ADGRG4: variants seen among roughly 807,000 people sequenced by gnomAD.
The protein encoded by ADGRG4 is G protein-coupled receptor 112.
Under a neutral mutation model 126.2 loss-of-function variants are expected in ADGRG4, and 122 were observed. The ratio of observed to expected loss-of-function variants is 0.97; its 90% CI spans 0.83 to 1.12. ADGRG4 has a LOEUF of 1.12. Ranked by LOEUF, ADGRG4 falls within the 50% of genes most tolerant of loss-of-function variation. ADGRG4 has a pLI of 0.00. For missense variants in ADGRG4, 2,481 were observed against 2,251.8 expected, an observed-to-expected ratio of 1.10 and a Z score of -2.06; for synonymous variants, 943 against 838.7, an observed-to-expected ratio of 1.12 and a Z score of -2.15.
In ADGRG4 at chrX:136,393,528, T is replaced by C; in HGVS notation, c.8035-7T>C. On this transcript the variant is annotated splice_region_variant and splice_polypyrimidine_tract_variant and intron_variant, in intron 17 of 25. Transcript: ENST00000394143. ...AAGATGTTTACCTCTGATTTCTTTT[T>C]TTCCAGAATTATGGTCAAGTTCACT... The C allele has an allele frequency of 1.3e-5, 15 of 1,197,654 alleles. No homozygotes were observed. The highest frequency in any genetic ancestry group is 3.0e-5 in the East Asian group (1 of 33,718).
chrX:136,399,090 G>C (rs1440576224), intron 20 of ADGRG4, among the ~76,000 whole-genome samples: 2 of 111,898 alleles, frequency 1.8e-5, no homozygotes, highest in African/African-American at 6.5e-5. Context: ...AAATCTATGG[G>C]GATAGAAGTG....
intron 7 of ADGRG4, among the ~76,000 whole-genome samples, chrX:136,352,245 T>C (rs1472823936): frequency 8.9e-6 from 1 of 112,269 alleles, no homozygotes. Flanking sequence ...TTGCACATAT[T>C]CATGCTGGTA....
intron 22 of ADGRG4, among the ~76,000 whole-genome samples, chrX:136,405,448 G>A (rs2075400681): frequency 9.0e-6 from 1 of 111,278 alleles, no homozygotes; most frequent in Non-Finnish European, 1.9e-5. Context: ...TTCTGCATAT[G>A]TAGGGCAGAA....
chrX:136,344,245 T>A, intron 5 of ADGRG4, 147 bp from the exon 6 acceptor site: 1 of 443,393 alleles, frequency 2.3e-6, no homozygotes, highest in South Asian at 4.2e-5. Context: ...AGTAGAAAAT[T>A]ATCTTAAGGA....
At chrX:136,308,165 G>A (rs1199636135) in intron 3 of ADGRG4, among the ~76,000 whole-genome samples, 3 of 112,819 alleles carry the variant, frequency 2.7e-5, no homozygotes, top group South Asian at 3.6e-4. Flanking sequence ...GCGCAGTGGC[G>A]CAATCTCGGC....
Position 136,345,309 on chromosome X carries a change from G to A in ADGRG4, c.1603G>A (p.Val535Ile). 8.3e-6 allele frequency: 10 copies of A among 1,210,352 alleles called. No individual in the cohort carries two copies. The highest frequency in any genetic ancestry group is 1.0e-5 in the Non-Finnish European group (9 of 894,493). Residue 535 changes from valine to isoleucine, a missense_variant, in exon 6 of 26, where the codon GTC (valine) becomes ATC (isoleucine). Val to Ile is a conservative substitution (Grantham distance 29, BLOSUM62 3). Transcript: ENST00000394143. ...ATTGACATCTACAAATTTTCAGGAT[G>A]TCTCTTTACCCAGAGTGGAAGATGC... is the stretch of plus-strand genomic sequence containing the variant. ...TELTSTNFQD[V>I]SLPRVEDAMS... is the part of the protein sequence containing the mutation.
At chrX:136,335,827 A>T (rs2074944943) in intron 5 of ADGRG4, among the ~76,000 whole-genome samples, 1 of 109,749 alleles carries the variant, frequency 9.1e-6, no homozygotes, top group African/African-American at 3.3e-5. Flanking sequence ...TGCTCCATTG[A>T]TTTTTCTCTA....
At chrX:136,402,708 T>A (rs917377309) in intron 21 of ADGRG4, among the ~76,000 whole-genome samples, 3 of 111,691 alleles carry the variant, frequency 2.7e-5, no homozygotes, top group Non-Finnish European at 5.6e-5. Flanking sequence ...ATTGCTTTAT[T>A]ATAGTCTGAC....
rs141778568 is a variant in ADGRG4 at position 136,348,775 on chromosome X, C to A, written c.5069C>A (p.Ser1690Tyr). 7.4e-4 allele frequency: 888 copies of A among 1,206,345 alleles called. 1 individual carries two copies. The highest frequency in any genetic ancestry group is 7.8e-4 in the Non-Finnish European group (693 of 893,834). Residue 1690 changes from serine to tyrosine, a missense_variant, in exon 6 of 26, where the codon TCC becomes TAC. By Grantham distance (144) the Ser-to-Tyr change is moderately radical. Coordinates refer to ENST00000394143, the MANE Select transcript of ADGRG4 (RefSeq NM_153834.4). ...TCTAAGAGCACTGGAGCTATTTCCTCCATTCCAAAGACCACATTTTCACCA... is the reference window on the plus strand; with the variant it reads ...TCTAAGAGCACTGGAGCTATTTCCTACATTCCAAAGACCACATTTTCACCA... ...LSSKSTGAIS[S>Y]IPKTTFSPFL...
chrX:136,383,881 C>CTTCCTTTCCTTTCCTTTCCTTGCCT (rs2075278965), intron 15 of ADGRG4, among the ~76,000 whole-genome samples: 1 of 52,466 alleles, frequency 1.9e-5, no homozygotes. Flanking sequence ...TTTCTTCTTT[C>CTTCCTTTCCTTTCCTTTCCTTGCCT]TTCCTTTCCT....
chrX:136,389,126 C>T (rs2075306577), intron 16 of ADGRG4, among the ~76,000 whole-genome samples: 1 of 111,883 alleles, frequency 8.9e-6, no homozygotes, highest in African/African-American at 3.3e-5. Context: ...TCTCTAGCCA[C>T]TCCTTTCTCT....
intron 11 of ADGRG4, among the ~76,000 whole-genome samples, chrX:136,360,726 A>C (rs977058891): frequency 5.3e-4 from 59 of 110,885 alleles, no homozygotes; most frequent in African/African-American, 1.8e-3. Flanking sequence ...TGGGTGACAG[A>C]GTAAGACCTC....
At chrX:136,332,476 G>C (rs12397179) in intron 5 of ADGRG4, among the ~76,000 whole-genome samples, 39,333 of 93,268 alleles carry the variant, frequency 0.42, 7,414 homozygotes, top group Middle Eastern at 0.51. Flanking sequence ...ACGTGTGCAT[G>C]TGTCTTTATA....
intron 13 of ADGRG4, among the ~76,000 whole-genome samples, chrX:136,370,233 A>G (rs2075184852): frequency 1.8e-5 from 2 of 112,083 alleles, no homozygotes; most frequent in African/African-American, 3.2e-5. Context: ...TATGAGTGTT[A>G]GCTCTCTCTG....
chrX:136,373,548 G>A (rs2075207401), intron 15 of ADGRG4, among the ~76,000 whole-genome samples: 1 of 111,443 alleles, frequency 9.0e-6, no homozygotes, highest in Non-Finnish European at 1.9e-5. Context: ...CAATTTCAGA[G>A]GTTAGATTTT....
rs1299436299 is a variant in ADGRG4 at position 136,322,998 on chromosome X, G to A, written c.291G>A (p.Gln97=). 7.4e-6 allele frequency: 9 copies of A among 1,210,213 alleles called. No individual in the cohort carries two copies. The highest frequency in any genetic ancestry group is 1.0e-5 in the Non-Finnish European group (9 of 895,153). ...ACCTTGGACTTGCAGGAGACCATCAGCAGCTAATACTATACAGATTGGGAA... is the reference window on the plus strand; with the variant it reads ...ACCTTGGACTTGCAGGAGACCATCAACAGCTAATACTATACAGATTGGGAA... The part of the protein sequence containing the change: ...DIDLGLAGDH[Q]QLILYRLGKT... The change falls in exon 5 of 26, where the codon CAG becomes CAA. Residue 97 remains glutamine (Q), a synonymous_variant. Coordinates refer to ENST00000394143, the MANE Select transcript of ADGRG4 (RefSeq NM_153834.4).
chrX:136,373,188 G>C, intron 15 of ADGRG4, 124 bp downstream of exon 15: 1 of 577,356 alleles, frequency 1.7e-6, no homozygotes, highest in Non-Finnish European at 2.6e-6. Context: ...TGGAAATACA[G>C]ACATCCCAGG....
At chrX:136,326,492 C>T (rs377714883) in intron 5 of ADGRG4, among the ~76,000 whole-genome samples, 1 of 111,752 alleles carries the variant, frequency 8.9e-6, no homozygotes, top group Non-Finnish European at 1.9e-5. Context: ...ATGTTCTTTT[C>T]ACCTCCCACC....
At position 136,349,914 on chromosome X, in the gene ADGRG4, C is replaced by T. The variant is rs750918799; in HGVS notation, c.6208C>T (p.Arg2070Ter). ...TGCTACTATGAGCACCATACTCACCCGAACCATTCCTACACCTACACTGGG... is the reference window on the plus strand; with the variant it reads ...TGCTACTATGAGCACCATACTCACCTGAACCATTCCTACACCTACACTGGG... ...PSATMSTILT[R>*]TIPTPTLGGI... Residue 2070 changes from arginine (R) to a stop codon, truncating the protein, a stop_gained, in exon 6 of 26, where the codon CGA (arginine) becomes TGA (stop). Coordinates refer to ENST00000394143, the MANE Select transcript of ADGRG4 (RefSeq NM_153834.4). LOFTEE classifies it high-confidence loss of function. 4.3e-5 allele frequency: 52 copies of T among 1,208,753 alleles called. No individual in the cohort carries two copies. The highest frequency in any genetic ancestry group is 3.5e-5 in the African/African-American group (2 of 56,994).
Sources: allele counts gnomAD v4.1 joint callset (sites outside exome capture counted in the v4.1 genomes callset), GRCh38; gene constraint gnomAD v4.1.1; transcripts MANE v1.5; gene names NCBI Gene and HGNC (gene_info 2026-07-23, HGNC 2026-07-21).